ACSBG1: variants seen among roughly 807,000 people sequenced by gnomAD.
The protein encoded by ACSBG1 is acyl-CoA synthetase bubblegum family member 1, also known as long-chain-fatty-acid--CoA ligase ACSBG1.
ACSBG1 carries 39 observed loss-of-function variants against 80.2 expected under a neutral mutation model. The ratio of observed to expected loss-of-function variants is 0.49; its 90% CI spans 0.38 to 0.64. The LOEUF (loss-of-function observed/expected upper bound fraction) is 0.64. Among genes scored for constraint, ACSBG1 ranks in the 30% least tolerant of loss-of-function variants. ACSBG1 has a pLI of 0.00. For synonymous variants in ACSBG1, 392 were observed against 379.5 expected (o/e 1.03, Z -0.38); for missense variants, 828 against 966.4 (o/e 0.86, Z 1.90).
At position 78,171,160 on chromosome 15, in the gene ACSBG1, A is replaced by AT. The variant is rs751840285; in HGVS notation, c.*283dup. The AT allele has an allele frequency of 7.3e-6, 2 of 273,978 alleles. No individual in the cohort carries two copies. Among genetic ancestry groups the AT allele is most frequent in the Non-Finnish European group, 1.4e-5 (2 of 142,344 alleles). The allele number at this position is 273,978 out of a possible 1,614,324, so 17.0% of individuals were successfully genotyped here. On this transcript the variant is annotated 3_prime_UTR_variant, in exon 14 of 14. Coordinates refer to ENST00000258873, the MANE Select transcript of ACSBG1 (RefSeq NM_015162.5). The stretch of plus-strand genomic sequence containing the variant: ...AATCTACCTGGAACTAAGGCCAAAA[A>AT]TTATCAGCCCTTTCGTTCTGGAAGG...
chr15:78,208,110 G>A lies in ACSBG1; in HGVS notation c.132-8C>T. 1 of 1,611,174 alleles carries A rather than the reference G, an allele frequency of 6.2e-7. No homozygotes were observed. On this transcript the variant is annotated splice_polypyrimidine_tract_variant and splice_region_variant and intron_variant, in intron 1 of 13. Transcript: ENST00000258873. ...TGCCTGTCAGTCAGTGAGCTGGGGT[G>A]GTGAGGGGACCAGGAAAAACATTCA...
intron 4 of ACSBG1, 36 bp downstream of exon 4, chr15:78,193,896 C>A (rs761238686): frequency 8.1e-6 from 13 of 1,608,718 alleles, no homozygotes; most frequent in Middle Eastern, 3.3e-4. Context: ...CCACTGCCAA[C>A]CCCCTGGAGA....
chr15:78,233,571 T>C (rs1006409062), intron 1 of ACSBG1, among the ~76,000 whole-genome samples: 1 of 152,198 alleles, frequency 6.6e-6, no homozygotes, highest in East Asian at 1.9e-4. Flanking sequence ...TGCTCTTGGC[T>C]CCACTCTGAC....
At chr15:78,216,026 T>C (rs2075309687) in intron 1 of ACSBG1, among the ~76,000 whole-genome samples, 1 of 152,220 alleles carries the variant, frequency 6.6e-6, no homozygotes, top group Non-Finnish European at 1.5e-5. Context: ...CTGGCTGATC[T>C]CCTCCCAAGG....
intron 1 of ACSBG1, chr15:78,212,856 G>A: frequency 3.9e-6 from 1 of 257,676 alleles, no homozygotes; most frequent in African/African-American, 2.2e-5. Flanking sequence ...GGCCTCATAA[G>A]CCCAAACACC....
At chr15:78,187,612 C>A (rs1204779566) in intron 5 of ACSBG1, among the ~76,000 whole-genome samples, 7 of 152,124 alleles carry the variant, frequency 4.6e-5, no homozygotes, top group African/African-American at 7.2e-5. Context: ...AGGCCTTTGA[C>A]AAAATTCAAC....
chr15:78,207,822 G>A, intron 2 of ACSBG1, 180 bp downstream of exon 2: 1 of 605,632 alleles, frequency 1.7e-6, no homozygotes, highest in Non-Finnish European at 3.0e-6. Context: ...GCCTGGCCCT[G>A]ATGGCAGCCA....
intron 2 of ACSBG1, among the ~76,000 whole-genome samples, chr15:78,198,149 GTC>G (rs893437199): frequency 5.3e-5 from 8 of 152,000 alleles, no homozygotes; most frequent in Non-Finnish European, 8.8e-5. Flanking sequence ...CAATTCTTCT[GTC>G]TCAGCCTCCC....
At chr15:78,217,787 G>A (rs903939658) in intron 1 of ACSBG1, among the ~76,000 whole-genome samples, 3 of 152,070 alleles carry the variant, frequency 2.0e-5, no homozygotes, top group African/African-American at 7.3e-5. Context: ...GGCTGGTCTC[G>A]TACTCCTGAC....
intron 8 of ACSBG1, among the ~76,000 whole-genome samples, chr15:78,181,267 T>C (rs577681735): frequency 3.9e-5 from 6 of 152,126 alleles, no homozygotes; most frequent in African/African-American, 1.2e-4. Context: ...AGGTGACACT[T>C]TGGGACACTG....
intron 5 of ACSBG1, among the ~76,000 whole-genome samples, chr15:78,184,174 TG>T (rs1239535483): frequency 5.9e-5 from 9 of 152,122 alleles, no homozygotes; most frequent in Non-Finnish European, 1.3e-4. Flanking sequence ...TATTGGTTTC[TG>T]GGGTTTTGTT....
intron 1 of ACSBG1, among the ~76,000 whole-genome samples, chr15:78,219,392 G>A (rs543027289): frequency 2.8e-4 from 32 of 115,170 alleles, no homozygotes; most frequent in African/African-American, 9.7e-4. Flanking sequence ...GGGTGACAGA[G>A]TAAGGCTTTG....
At chr15:78,211,425 T>C (rs1433694491) in intron 1 of ACSBG1, among the ~76,000 whole-genome samples, 1 of 152,254 alleles carries the variant, frequency 6.6e-6, no homozygotes, top group Non-Finnish European at 1.5e-5. Context: ...CTGACTGGCT[T>C]CTGTCTGCAT....
At chr15:78,203,281 C>T (rs376372342) in intron 2 of ACSBG1, among the ~76,000 whole-genome samples, 1 of 152,194 alleles carries the variant, frequency 6.6e-6, no homozygotes, top group African/African-American at 2.4e-5. Flanking sequence ...CAGCCAAGAA[C>T]GGGGCCAGGA....
At chr15:78,187,397 T>C (rs369276749) in intron 5 of ACSBG1, among the ~76,000 whole-genome samples, 1 of 152,204 alleles carries the variant, frequency 6.6e-6, no homozygotes, top group Non-Finnish European at 1.5e-5. Flanking sequence ...ACCAATATCC[T>C]TGATGAACAT....
Position 78,194,527 on chromosome 15 carries a change from T to TA in ACSBG1, c.431_432insT (p.Arg144SerfsTer59), listed in dbSNP as rs752807448. 6.2e-7 allele frequency: 1 copy of TA among 1,614,218 alleles called. No individual in the cohort carries two copies. Among genetic ancestry groups the TA allele is most frequent in the Non-Finnish European group, 8.5e-7 (1 of 1,180,038 alleles). On this transcript the variant is annotated frameshift_variant, in exon 3 of 14. Coordinates refer to ENST00000258873, the MANE Select transcript of ACSBG1 (RefSeq NM_015162.5). LOFTEE classifies it high-confidence loss of function. ...TTACCTTCAGGAAGCCCTTGGCGGC[T>TA]CTGCGGGCGAGCAGGTAGTATTGGG...
rs1292031200 is a variant in ACSBG1, at chr15:78,218,414, A to G, written c.132-10312T>C. 3.3e-5 allele frequency among the ~76,000 whole-genome samples: 5 copies of G among 152,160 alleles called. No homozygotes were observed. In the East Asian group the frequency reaches 9.6e-4, roughly 29 times the overall value. ...AGGAGCCCAGGGTTTAAAGAGGAAGATAAAGACACACATACACAGCCTGTA... is the reference window on the plus strand; with the variant it reads ...AGGAGCCCAGGGTTTAAAGAGGAAGGTAAAGACACACATACACAGCCTGTA... On this transcript the variant is annotated intron_variant, in intron 1 of 13. Coordinates refer to ENST00000258873, the MANE Select transcript of ACSBG1 (RefSeq NM_015162.5).
At chr15:78,197,861 GCA>G (rs1010792798) in intron 2 of ACSBG1, among the ~76,000 whole-genome samples, 8 of 151,866 alleles carry the variant, frequency 5.3e-5, no homozygotes, top group Admixed American at 1.3e-4. Context: ...CCCTCCCCTG[GCA>G]CAGATTCCTC....
Position 78,193,541 on chromosome 15 carries a change from C to T in ACSBG1, c.628G>A (p.Val210Ile), listed in dbSNP as rs746980972. Residue 210 changes from valine (V) to isoleucine (I), a missense_variant, in exon 5 of 14, where the codon GTC (valine) becomes ATC (isoleucine). Physicochemically the swap from Val to Ile is conservative, Grantham distance 29. Transcript: ENST00000258873. Reference protein sequence around the residue: ...AYDCCANVIMVDTQKQLEKIL... With the variant: ...AYDCCANVIMIDTQKQLEKIL... ...TTTTCCAGCTGCTTCTGCGTGTCGA[C>T]CATGATGACATTGGCGCAGCAGTCA... 1.2e-6 allele frequency: 2 copies of T among 1,613,378 alleles called. No homozygotes were observed. The highest frequency in any genetic ancestry group is 1.7e-5 in the Admixed American group (1 of 59,946).
Sources: gnomAD v4.1 joint callset for allele counts (sites outside exome capture counted in the v4.1 genomes callset) on GRCh38, gnomAD v4.1.1 for gene constraint, MANE v1.5 for transcripts, NCBI Gene and HGNC (gene_info 2026-07-23, HGNC 2026-07-21) for gene names.